The following BAZ1A variants were observed in gnomAD, a reference collection of about 807,000 sequenced individuals.
BAZ1A encodes the protein bromodomain adjacent to zinc finger domain protein 1A.
BAZ1A carries 50 observed loss-of-function variants against 185.2 expected under a neutral mutation model. That is an observed-to-expected ratio of 0.27 (90% CI 0.22 to 0.34). The LOEUF is 0.34. BAZ1A is among the 10% of genes least tolerant of loss of function. The pLI is 1.00. For missense variants in BAZ1A, 1,356 were observed against 1,839.9 expected (o/e 0.74, Z 4.81); for synonymous variants, 571 against 615.6 (o/e 0.93, Z 1.07).
intron 4 of BAZ1A, among the ~76,000 whole-genome samples, chr14:34,816,253 A>C (rs1212917415): frequency 1.3e-5 from 2 of 151,614 alleles, no homozygotes; most frequent in Non-Finnish European, 2.9e-5. Flanking sequence ...ACGCCTGGCT[A>C]ATTTTTTGTA....
intron 1 of BAZ1A, 117 bp downstream of exon 1, chr14:34,875,021 G>GGCCA (rs530569849): frequency 0.013 from 2,212 of 169,300 alleles, 21 homozygotes; most frequent in Non-Finnish European, 0.021. Context: ...CTGGCCGGCC[G>GGCCA]GCCAGCCCAA....
At chr14:34,795,884 C>T in intron 9 of BAZ1A, 119 bp from the exon 10 acceptor site, 1 of 691,326 alleles carries the variant, frequency 1.4e-6, no homozygotes, top group Non-Finnish European at 2.4e-6. Flanking sequence ...CCTACTGAAG[C>T]AGTAACTCTG....
At chr14:34,866,791 A>G (rs1241036444) in intron 2 of BAZ1A, among the ~76,000 whole-genome samples, 2 of 152,112 alleles carry the variant, frequency 1.3e-5, no homozygotes, top group Admixed American at 1.3e-4. Context: ...TTAGTCTGTA[A>G]GCCAGTGCTA....
intron 3 of BAZ1A, among the ~76,000 whole-genome samples, chr14:34,841,599 AG>A (rs990852913): frequency 2.0e-5 from 3 of 152,182 alleles, no homozygotes; most frequent in Non-Finnish European, 4.4e-5. Context: ...CATGTTGGCC[AG>A]GCTGGTCTCA....
At position 34,753,443 on chromosome 14, in the gene BAZ1A, G is replaced by A. The variant is rs866420525; in HGVS notation, c.*65C>T. 2 of 1,520,902 alleles carry A rather than the reference G, an allele frequency of 1.3e-6. No homozygotes were observed. Among genetic ancestry groups the A allele is most frequent in the Non-Finnish European group, 1.8e-6 (2 of 1,103,376 alleles). 94.2% of individuals were successfully genotyped at this position (1,520,902 alleles called of 1,614,324 possible). On this transcript the variant is annotated 3_prime_UTR_variant, in exon 27 of 27. Coordinates refer to ENST00000360310, the MANE Select transcript of BAZ1A (RefSeq NM_013448.3). ...CAATTGTTATTGCTTTATACAGCATGATTTAATGTTCCATTTTCATGAACA... is the reference window on the plus strand; with the variant it reads ...CAATTGTTATTGCTTTATACAGCATAATTTAATGTTCCATTTTCATGAACA...
In BAZ1A at chr14:34,765,250, C is replaced by G; in HGVS notation, c.3320G>C (p.Arg1107Pro). The change falls in exon 22 of 27, where the codon CGT becomes CCT. Residue 1107 changes from arginine to proline, a missense_variant. Arg to Pro is a moderately radical substitution (Grantham distance 103, BLOSUM62 -2). Around this residue, in one of 7 missense-constraint regions of BAZ1A, gnomAD observed 434 missense variants for 561.7 expected, o/e 0.77. Transcript: ENST00000360310. Reference protein sequence around the residue: ...KAPLDASDSGRSYKTVLDRWR... With the variant: ...KAPLDASDSGPSYKTVLDRWR... ...ACGGTCCAGAACTGTTTTATAAGAA[C>G]GCCCACTGTCACTGGCATCTTAAAT... The G allele has an allele frequency of 6.2e-7, 1 of 1,613,288 alleles. No homozygotes were observed. The highest frequency in any genetic ancestry group is 8.5e-7 in the Non-Finnish European group (1 of 1,179,702).
intron 19 of BAZ1A, 60 bp from the exon 20 acceptor site, chr14:34,773,786 A>G (rs891903427): frequency 4.9e-5 from 73 of 1,480,692 alleles, no homozygotes; most frequent in Non-Finnish European, 6.6e-5. Context: ...TCTGAGAGGT[A>G]TGAAGTTCAA....
At chr14:34,781,777 G>A (rs927449135) in intron 16 of BAZ1A, among the ~76,000 whole-genome samples, 17 of 152,194 alleles carry the variant, frequency 1.1e-4, no homozygotes, top group African/African-American at 4.1e-4. Context: ...GATTACAGGC[G>A]TGAGCCACCG....
Position 34,792,921 on chromosome 14 carries a change from T to C in BAZ1A, c.1364A>G (p.Glu455Gly). The C allele has an allele frequency of 1.2e-6, 2 of 1,601,194 alleles. No homozygotes were observed. Among genetic ancestry groups the C allele is most frequent in the South Asian group, 2.3e-5 (2 of 88,090 alleles). The change falls in exon 12 of 27, where the codon GAA (glutamate) becomes GGA (glycine). Residue 455 changes from glutamate (E) to glycine (G), a missense_variant and splice_region_variant. Transcript: ENST00000360310. ...TCCTACAAGAGCTTCCTCTAATACT[T>C]CTGTGAATAAAATGTTTAAAATGAA... is the stretch of plus-strand genomic sequence containing the variant. Reference protein sequence around the residue: ...QDEFPDGVTLEVLEEALVGND... With the variant: ...QDEFPDGVTLGVLEEALVGND...
At chr14:34,821,411 C>T (rs1177884857) in intron 4 of BAZ1A, among the ~76,000 whole-genome samples, 4 of 152,118 alleles carry the variant, frequency 2.6e-5, no homozygotes, top group South Asian at 2.1e-4. Context: ...GTTCCCTTCC[C>T]TTTTCTTTAA....
At chr14:34,786,522 A>T (rs1357158294) in intron 12 of BAZ1A, 9 of 249,370 alleles carry the variant, frequency 3.6e-5, no homozygotes, top group Middle Eastern at 1.4e-3. Context: ...AATTAAAAAC[A>T]AATCTCCTCA....
At chr14:34,853,295 TG>T (rs983052160) in intron 3 of BAZ1A, among the ~76,000 whole-genome samples, 3 of 152,194 alleles carry the variant, frequency 2.0e-5, no homozygotes, top group African/African-American at 4.8e-5. Flanking sequence ...GGAGGAGAGT[TG>T]AACAACTAAA....
chr14:34,761,666 A>C, intron 24 of BAZ1A, 91 bp downstream of exon 24: 2 of 1,177,044 alleles, frequency 1.7e-6, no homozygotes, highest in East Asian at 2.4e-5. Context: ...TTAGTGACAG[A>C]CTTTAAAAAA....
rs1881433312 is a variant in BAZ1A, at chr14:34,800,213, C to G, written c.1128+11G>C. ...ATGTAGAGAGTATAGCTAATATACT[C>G]AAATGAATACCTTTTCTCTTTCTAC... On this transcript the variant is annotated intron_variant, in intron 9 of 26. Coordinates refer to ENST00000360310, the MANE Select transcript of BAZ1A (RefSeq NM_013448.3). 7.9e-6 allele frequency: 11 copies of G among 1,386,262 alleles called. No homozygotes were observed. Among genetic ancestry groups the G allele is most frequent in the Non-Finnish European group, 1.1e-5 (11 of 1,020,268 alleles). 85.9% of individuals were successfully genotyped at this position (1,386,262 alleles called of 1,614,324 possible). A position where few individuals can be genotyped will look rare whatever the true frequency, so the allele number is the denominator to read the frequency against.
At chr14:34,780,129 T>C in intron 17 of BAZ1A, 57 bp downstream of exon 17, 2 of 1,588,482 alleles carry the variant, frequency 1.3e-6, no homozygotes, top group South Asian at 2.3e-5. Flanking sequence ...ATTAATAAAG[T>C]GCTTTATTGG....
At chr14:34,806,244 A>AT (rs1376664107) in intron 6 of BAZ1A, among the ~76,000 whole-genome samples, 7 of 152,164 alleles carry the variant, frequency 4.6e-5, no homozygotes, top group Non-Finnish European at 1.0e-4. Context: ...AATCTAACAC[A>AT]TGCAGGAGCT....
intron 4 of BAZ1A, among the ~76,000 whole-genome samples, chr14:34,824,202 A>AG (rs1172673804): frequency 2.0e-5 from 3 of 150,078 alleles, no homozygotes; most frequent in African/African-American, 7.3e-5. Flanking sequence ...TCTACTTAAA[A>AG]AAAAAAAAAA....
At chr14:34,803,991 GT>G (rs948188085) in intron 6 of BAZ1A, among the ~76,000 whole-genome samples, 1 of 152,054 alleles carries the variant, frequency 6.6e-6, no homozygotes, top group East Asian at 1.9e-4. Flanking sequence ...GCCTTTTAAA[GT>G]TTTTTTAATT....
At chr14:34,793,964 GAAAA>G (rs531119463) in intron 11 of BAZ1A, among the ~76,000 whole-genome samples, 1 of 145,882 alleles carries the variant, frequency 6.9e-6, no homozygotes, top group Non-Finnish European at 1.5e-5. Flanking sequence ...AAGAAAAAAA[GAAAA>G]AAAAAAGAAA....
Sources: allele counts gnomAD v4.1 joint callset (sites outside exome capture counted in the v4.1 genomes callset), GRCh38; gene constraint gnomAD v4.1.1; regional missense constraint gnomAD v4.1.1; transcripts MANE v1.5; gene names NCBI Gene and HGNC (gene_info 2026-07-23, HGNC 2026-07-21).